AGBL1: variants seen among roughly 807,000 people sequenced by gnomAD.
AGBL1 encodes AGBL carboxypeptidase 1, also known as cytosolic carboxypeptidase 4.
AGBL1 carries 130 observed loss-of-function variants against 118.9 expected under a neutral mutation model. The observed-to-expected ratio is 1.09, with a 90% CI of 0.95 to 1.26. The LOEUF is 1.26. Ranked by LOEUF, AGBL1 falls within the 50% of genes most tolerant of loss-of-function variation. The pLI, the probability that AGBL1 is intolerant of heterozygous loss-of-function variation, is 0.00. For synonymous variants in AGBL1, 555 were observed against 478.9 expected (o/e 1.16, Z -2.08); for missense variants, 1,584 against 1,298.1 (o/e 1.22, Z -3.38).
intron 22 of AGBL1, among the ~76,000 whole-genome samples, chr15:86,701,745 C>T (rs1294000257): frequency 7.1e-6 from 1 of 141,776 alleles, no homozygotes; most frequent in Admixed American, 7.1e-5. Context: ...CTCTCTCCTT[C>T]CTTTCACTCC....
At chr15:86,512,477 A>G (rs1333629329) in intron 18 of AGBL1, among the ~76,000 whole-genome samples, 1 of 151,750 alleles carries the variant, frequency 6.6e-6, no homozygotes, top group Non-Finnish European at 1.5e-5. Flanking sequence ...CTTTTGAAAC[A>G]TTGTCCTCAA....
chr15:86,894,376 C>G (rs1158515256), intron 22 of AGBL1, among the ~76,000 whole-genome samples: 2 of 152,064 alleles, frequency 1.3e-5, no homozygotes, highest in Admixed American at 6.6e-5. Flanking sequence ...GTAACCATGC[C>G]TTAACATATG....
chr15:86,716,577 T>A (rs866434686), intron 22 of AGBL1, among the ~76,000 whole-genome samples: 1 of 151,734 alleles, frequency 6.6e-6, no homozygotes, highest in South Asian at 2.1e-4. Context: ...AGCAAGAAAA[T>A]AGAAAAAGCA....
intron 17 of AGBL1, chr15:86,296,857 A>T (rs1259697196): frequency 3.3e-5 from 5 of 152,218 alleles, no homozygotes; most frequent in Admixed American, 1.3e-4. Flanking sequence ...TATTTATTTA[A>T]GAAAGTGGAT....
chr15:86,663,198 C>A (rs1215338369), intron 21 of AGBL1, among the ~76,000 whole-genome samples: 1 of 152,178 alleles, frequency 6.6e-6, no homozygotes, highest in African/African-American at 2.4e-5. Context: ...CTTACATGAT[C>A]CACCAGGACC....
chr15:87,012,864 G>T (rs2081575194), intron 24 of AGBL1, among the ~76,000 whole-genome samples: 1 of 152,084 alleles, frequency 6.6e-6, no homozygotes, highest in Non-Finnish European at 1.5e-5. Context: ...GCCCTTGAGG[G>T]CATCTCAAAA....
chr15:86,684,475 C>CT (rs2086018845), intron 22 of AGBL1, among the ~76,000 whole-genome samples: 1 of 109,586 alleles, frequency 9.1e-6, no homozygotes, highest in Admixed American at 8.9e-5. Context: ...TTTTTTTTTT[C>CT]TTTTTTCTCT....
intron 3 of AGBL1, among the ~76,000 whole-genome samples, chr15:86,153,420 C>T (rs573031431): frequency 6.6e-6 from 1 of 150,988 alleles, no homozygotes; most frequent in African/African-American, 2.4e-5. Context: ...GACAGAAAAC[C>T]AAACACTGCA....
chr15:86,787,399 AC>A (rs2078427963), intron 22 of AGBL1, among the ~76,000 whole-genome samples: 1 of 152,268 alleles, frequency 6.6e-6, no homozygotes, highest in East Asian at 1.9e-4. Flanking sequence ...GCAAATTTGT[AC>A]CCTTAAATCT....
intron 22 of AGBL1, among the ~76,000 whole-genome samples, chr15:86,856,397 C>T (rs1306937969): frequency 6.6e-6 from 1 of 152,150 alleles, no homozygotes; most frequent in Non-Finnish European, 1.5e-5. Flanking sequence ...GGAAAAAAAC[C>T]TTATCTACAT....
At chr15:86,787,061 A>G (rs2078422883) in intron 22 of AGBL1, among the ~76,000 whole-genome samples, 1 of 152,110 alleles carries the variant, frequency 6.6e-6, no homozygotes, top group Non-Finnish European at 1.5e-5. Context: ...TTGAAGGGTT[A>G]TTACTGATTC....
chr15:86,482,646 C>T (rs2082666855), intron 18 of AGBL1, among the ~76,000 whole-genome samples: 6 of 152,036 alleles, frequency 3.9e-5, no homozygotes, highest in Admixed American at 3.9e-4. Context: ...ACCTGCATAA[C>T]ATGAGGAGAG....
intron 20 of AGBL1, among the ~76,000 whole-genome samples, chr15:86,551,466 T>C (rs1246751745): frequency 6.6e-6 from 1 of 152,120 alleles, no homozygotes; most frequent in Non-Finnish European, 1.5e-5. Flanking sequence ...AACAAGTGAA[T>C]ACATTCTTAG....
At chr15:86,696,615 CT>C (rs2086265774) in intron 22 of AGBL1, among the ~76,000 whole-genome samples, 1 of 151,736 alleles carries the variant, frequency 6.6e-6, no homozygotes, top group Admixed American at 6.6e-5. Flanking sequence ...ATGTGAGGTA[CT>C]ATTCCGTTCA....
chr15:86,559,912 T>A (rs1048043726), intron 21 of AGBL1, among the ~76,000 whole-genome samples: 1 of 152,134 alleles, frequency 6.6e-6, no homozygotes, highest in African/African-American at 2.4e-5. Flanking sequence ...TGGCTGTAAT[T>A]AAGCAGATCT....
chr15:86,696,136 T>G (rs2086253343), intron 22 of AGBL1, among the ~76,000 whole-genome samples: 1 of 152,058 alleles, frequency 6.6e-6, no homozygotes, highest in Admixed American at 6.6e-5. Context: ...GTTGTTTCTT[T>G]GTTGACTTTC....
At chr15:86,832,053 C>A (rs991964343) in intron 22 of AGBL1, among the ~76,000 whole-genome samples, 2 of 152,228 alleles carry the variant, frequency 1.3e-5, no homozygotes, top group South Asian at 4.1e-4. Context: ...GAAGCAACGG[C>A]CTGAGCTCTA....
In AGBL1 at chr15:86,819,021, A is replaced by G. The variant is rs532321978; in HGVS notation, c.3159-88066A>G. Among the ~76,000 whole-genome samples, 160 of 152,212 alleles carry G rather than the reference A, an allele frequency of 1.1e-3. 5 individuals carry two copies. In the South Asian group the frequency reaches 0.032, roughly 31 times the overall value. ...GTTATAATAGTTACAGTTGTTGTTT[A>G]TGCCTTTACCATTATATGCCTTTTT... On this transcript the variant is annotated intron_variant, in intron 22 of 22. Coordinates refer to ENST00000614907, the MANE Select transcript of AGBL1 (RefSeq NM_001386094.1).
chr15:86,184,560 G>C (rs1205530154), intron 5 of AGBL1, among the ~76,000 whole-genome samples: 1 of 151,888 alleles, frequency 6.6e-6, no homozygotes, highest in East Asian at 1.9e-4. Flanking sequence ...ATCCTGCAGA[G>C]TGTTTTCCAA....
Sources: gnomAD v4.1 joint callset for allele counts (sites outside exome capture counted in the v4.1 genomes callset) on GRCh38, gnomAD v4.1.1 for gene constraint, MANE v1.5 for transcripts, NCBI Gene and HGNC (gene_info 2026-07-23, HGNC 2026-07-21) for gene names.